CADM2: variants seen among roughly 807,000 people sequenced by gnomAD.
CADM2 encodes the protein cell adhesion molecule 2.
A neutral mutation model predicts 49.8 loss-of-function variants in CADM2; 12 were observed. That is an observed-to-expected ratio of 0.24 (90% confidence interval 0.15 to 0.39). The LOEUF (loss-of-function observed/expected upper bound fraction) is 0.39. Among genes scored for constraint, CADM2 ranks in the 10% least tolerant of loss-of-function variants. CADM2 has a pLI of 1.00. For synonymous variants in CADM2, 214 were observed against 175.4 expected (o/e 1.22, Z -1.74); for missense variants, 378 against 492.3 (o/e 0.77, Z 2.20).
Position 85,802,203 on chromosome 3 carries a change from A to G in CADM2, c.238+7A>G. 6.2e-7 allele frequency: 1 copy of G among 1,601,642 alleles called. No individual in the cohort carries two copies. Among genetic ancestry groups the G allele is most frequent in the Non-Finnish European group, 8.5e-7 (1 of 1,174,624 alleles). ...TACTTTGACGACAAGAAAGGTGAATACATTTTCTTTCAAATGTTTTAATCG... is the reference window on the plus strand; with the variant it reads ...TACTTTGACGACAAGAAAGGTGAATGCATTTTCTTTCAAATGTTTTAATCG... On this transcript the variant is annotated splice_region_variant and intron_variant, in intron 3 of 9. Transcript: ENST00000383699.
chr3:85,312,505 C>G (rs1285715157), intron 1 of CADM2, among the ~76,000 whole-genome samples: 1 of 151,976 alleles, frequency 6.6e-6, no homozygotes, highest in Non-Finnish European at 1.5e-5. Flanking sequence ...GATTTGATTT[C>G]ATCATCTAGT....
At chr3:85,059,714 G>T (rs1488125819) in intron 1 of CADM2, among the ~76,000 whole-genome samples, 1 of 152,038 alleles carries the variant, frequency 6.6e-6, no homozygotes, top group Non-Finnish European at 1.5e-5. Context: ...CCCTGCACAA[G>T]GTCTCTTCTC....
chr3:85,167,229 C>T (rs1322680934), intron 1 of CADM2, among the ~76,000 whole-genome samples: 4 of 151,958 alleles, frequency 2.6e-5, no homozygotes, highest in African/African-American at 9.7e-5. Flanking sequence ...GTTTTCGCTC[C>T]TCCTATCATG....
chr3:85,082,377 T>C (rs1559650875), intron 1 of CADM2, among the ~76,000 whole-genome samples: 1 of 152,206 alleles, frequency 6.6e-6, no homozygotes, highest in Non-Finnish European at 1.5e-5. Flanking sequence ...TTCTTGTTTG[T>C]ACTACAATGC....
Position 85,498,063 on chromosome 3 carries a change from C to T in CADM2, c.62-228459C>T, listed in dbSNP as rs569700620. On this transcript the variant is annotated intron_variant, in intron 1 of 9. Coordinates refer to ENST00000383699, the MANE Select transcript of CADM2 (RefSeq NM_001167675.2). ...ACACACAGTGGCAAAAAATTTGGGG[C>T]CCAGCAGCACATGTTCCCAGCCAAG... Among the ~76,000 whole-genome samples the T allele has an allele frequency of 9.9e-5, 15 of 152,054 alleles. No homozygotes were observed. The East Asian group carries it at 2.5e-3, about 26-fold the overall frequency.
intron 1 of CADM2, among the ~76,000 whole-genome samples, chr3:85,547,726 G>C (rs535546000): frequency 6.6e-6 from 1 of 152,264 alleles, no homozygotes; most frequent in African/African-American, 2.4e-5. Flanking sequence ...CTCCACTTTA[G>C]TCAACATGTG....
chr3:85,533,960 CTT>C (rs996047480), intron 1 of CADM2, among the ~76,000 whole-genome samples: 1 of 152,058 alleles, frequency 6.6e-6, no homozygotes, highest in Admixed American at 6.5e-5. Flanking sequence ...ATATTCTAAA[CTT>C]ATCATTTAGA....
chr3:85,129,635 T>A (rs992026818), intron 1 of CADM2, among the ~76,000 whole-genome samples: 2 of 152,298 alleles, frequency 1.3e-5, no homozygotes, highest in Non-Finnish European at 2.9e-5. Flanking sequence ...CCTGAGGAGC[T>A]TTTGGAAAAA....
At chr3:85,843,399 C>G (rs1378310293) in intron 3 of CADM2, among the ~76,000 whole-genome samples, 3 of 151,708 alleles carry the variant, frequency 2.0e-5, no homozygotes, top group Non-Finnish European at 4.4e-5. Flanking sequence ...GCCCCCCAAC[C>G]TTTTCTTTCT....
intron 1 of CADM2, among the ~76,000 whole-genome samples, chr3:85,026,320 C>T (rs1041259321): frequency 1.3e-5 from 2 of 152,066 alleles, no homozygotes; most frequent in African/African-American, 4.8e-5. Flanking sequence ...TATTTAATAG[C>T]AAACCAGTTG....
intron 8 of CADM2, chr3:85,979,226 A>T: frequency 6.2e-7 from 1 of 1,610,866 alleles, no homozygotes; most frequent in Non-Finnish European, 8.5e-7. Context: ...AACAGTCACA[A>T]CCACTGTAGC....
chr3:85,122,559 G>C (rs2038902935), intron 1 of CADM2, among the ~76,000 whole-genome samples: 1 of 151,804 alleles, frequency 6.6e-6, no homozygotes, highest in South Asian at 2.1e-4. Flanking sequence ...TTGAGTTTTA[G>C]GTATGAACCA....
At chr3:85,747,225 A>G (rs2068653089) in intron 2 of CADM2, among the ~76,000 whole-genome samples, 1 of 151,982 alleles carries the variant, frequency 6.6e-6, no homozygotes, top group Non-Finnish European at 1.5e-5. Context: ...TGTTTTCAAT[A>G]TTTTCTTTTA....
intron 1 of CADM2, among the ~76,000 whole-genome samples, chr3:85,704,564 A>G (rs1226612758): frequency 1.3e-5 from 2 of 152,070 alleles, no homozygotes; most frequent in African/African-American, 4.8e-5. Flanking sequence ...CTGTCTTTTT[A>G]TAAGGGCACT....
intron 1 of CADM2, among the ~76,000 whole-genome samples, chr3:85,622,976 A>G (rs756571006): frequency 2.0e-5 from 3 of 152,142 alleles, no homozygotes; most frequent in Non-Finnish European, 4.4e-5. Context: ...CTCTTTCAAT[A>G]GGTGAGTATC....
intron 8 of CADM2, among the ~76,000 whole-genome samples, chr3:85,995,302 G>A (rs972403115): frequency 4.0e-5 from 6 of 151,888 alleles, no homozygotes. Flanking sequence ...AAGTCATATT[G>A]GTATTGATTT....
chr3:85,505,454 G>C (rs1420726279), intron 1 of CADM2, among the ~76,000 whole-genome samples: 1 of 152,130 alleles, frequency 6.6e-6, no homozygotes, highest in Non-Finnish European at 1.5e-5. Context: ...GAGACCTTAG[G>C]TAAAGTTCTC....
At chr3:85,773,903 A>C (rs544809713) in intron 2 of CADM2, among the ~76,000 whole-genome samples, 1 of 152,076 alleles carries the variant, frequency 6.6e-6, no homozygotes, top group Non-Finnish European at 1.5e-5. Flanking sequence ...TAATAGACAA[A>C]ATTTTAATAT....
At chr3:85,746,987 T>C (rs1402831096) in intron 2 of CADM2, among the ~76,000 whole-genome samples, 1 of 152,134 alleles carries the variant, frequency 6.6e-6, no homozygotes, top group Non-Finnish European at 1.5e-5. Flanking sequence ...GTCAGGATAC[T>C]GAATAACCTG....
Sources: allele counts gnomAD v4.1 joint callset (sites outside exome capture counted in the v4.1 genomes callset), GRCh38; gene constraint gnomAD v4.1.1; transcripts MANE v1.5; gene names NCBI Gene and HGNC (gene_info 2026-07-23, HGNC 2026-07-21).